Variants in CDK14 observed in about 807,000 individuals in gnomAD.
The protein encoded by CDK14 is cyclin-dependent kinase 14.
CDK14 carries 34 observed loss-of-function variants against 60.7 expected under a neutral mutation model. The ratio of observed to expected loss-of-function variants is 0.56; its 90% CI spans 0.43 to 0.75. The LOEUF (loss-of-function observed/expected upper bound fraction) is 0.75, where lower values mean the gene tolerates loss of function less well. CDK14 is among the 30% of genes least tolerant of loss of function. The pLI, the probability that CDK14 is intolerant of heterozygous loss-of-function variation, is 0.00. For missense variants in CDK14, 482 were observed against 564.1 expected (o/e 0.85, Z 1.47); for synonymous variants, 197 against 203.7 (o/e 0.97, Z 0.28).
At chr7:91,185,004 G>A (rs717679) in intron 14 of CDK14, among the ~76,000 whole-genome samples, 45,465 of 150,572 alleles carry the variant, frequency 0.3, 7,154 homozygotes, top group East Asian at 0.39. Flanking sequence ...GCATAAAGGC[G>A]TGCATACATT....
At chr7:90,937,710 A>G (rs544445253) in intron 8 of CDK14, among the ~76,000 whole-genome samples, 69 of 152,308 alleles carry the variant, frequency 4.5e-4, no homozygotes, top group African/African-American at 1.3e-3. Flanking sequence ...TGTTGTTTCA[A>G]TGAAAAATCA....
intron 2 of CDK14, among the ~76,000 whole-genome samples, chr7:90,681,720 G>A (rs900385683): frequency 1.3e-5 from 2 of 152,160 alleles, no homozygotes; most frequent in African/African-American, 4.8e-5. Flanking sequence ...ATGTAGGAGA[G>A]ACAACTCTAT....
chr7:91,001,964 G>A (rs1371285173), intron 10 of CDK14, among the ~76,000 whole-genome samples: 1 of 152,200 alleles, frequency 6.6e-6, no homozygotes, highest in African/African-American at 2.4e-5. Flanking sequence ...AAATATGGAA[G>A]TATGTCAAGT....
At chr7:90,901,194 G>A (rs1792494088) in intron 7 of CDK14, among the ~76,000 whole-genome samples, 1 of 151,940 alleles carries the variant, frequency 6.6e-6, no homozygotes, top group Non-Finnish European at 1.5e-5. Context: ...TCCTCATTCC[G>A]AGTCCAGGTT....
chr7:91,023,795 C>A (rs529266907), intron 10 of CDK14, among the ~76,000 whole-genome samples: 1 of 152,166 alleles, frequency 6.6e-6, no homozygotes, highest in Admixed American at 6.5e-5. Flanking sequence ...GAGATGGAGT[C>A]TCACCTGTCA....
chr7:91,039,065 T>C (rs1353622670), intron 10 of CDK14, among the ~76,000 whole-genome samples: 1 of 151,544 alleles, frequency 6.6e-6, no homozygotes. Context: ...TCTGTATCTT[T>C]ACACACACTC....
intron 7 of CDK14, among the ~76,000 whole-genome samples, chr7:90,901,873 T>G (rs1562820639): frequency 6.6e-6 from 1 of 151,590 alleles, no homozygotes; most frequent in Non-Finnish European, 1.5e-5. Context: ...ATCTAAAGAC[T>G]CCACCAAAAA....
intron 12 of CDK14, among the ~76,000 whole-genome samples, chr7:91,089,620 C>T (rs1036778927): frequency 2.0e-5 from 3 of 150,360 alleles, no homozygotes; most frequent in Non-Finnish European, 3.0e-5. Flanking sequence ...ATATGAGATA[C>T]GCAGCTATAT....
At position 90,811,586 on chromosome 7, in the gene CDK14, G is replaced by A. The variant is rs1487732815; in HGVS notation, c.544+20934G>A. On this transcript the variant is annotated intron_variant, in intron 5 of 14. Transcript: ENST00000380050. ...GGACTTCATGTCTAAAACACCAAAA[G>A]CAATGGCAACAAAAGCCAAAATTGA... Among the ~76,000 whole-genome samples, 7 of 151,788 alleles carry A rather than the reference G, an allele frequency of 4.6e-5. No individual in the cohort carries two copies. The East Asian group carries it at 9.7e-4, about 21-fold the overall frequency.
At chr7:90,800,952 C>G (rs1788610817) in intron 5 of CDK14, among the ~76,000 whole-genome samples, 1 of 152,176 alleles carries the variant, frequency 6.6e-6, no homozygotes, top group African/African-American at 2.4e-5. Flanking sequence ...ATGGTCTTCT[C>G]TCTCTCTGTG....
intron 2 of CDK14, among the ~76,000 whole-genome samples, chr7:90,713,712 C>G (rs1399563767): frequency 1.4e-5 from 2 of 146,964 alleles, no homozygotes; most frequent in Non-Finnish European, 3.0e-5. Context: ...TTTTTGTTTA[C>G]TTCTCTCATG....
At chr7:90,895,418 CT>C (rs1792286156) in intron 6 of CDK14, among the ~76,000 whole-genome samples, 1 of 22,024 alleles carries the variant, frequency 4.5e-5, no homozygotes, top group African/African-American at 1.9e-4. Flanking sequence ...CTCCTCTCCT[CT>C]CCTCTCCTCT....
chr7:91,056,241 G>T (rs1048420886), intron 11 of CDK14, among the ~76,000 whole-genome samples: 1 of 152,126 alleles, frequency 6.6e-6, no homozygotes, highest in Non-Finnish European at 1.5e-5. Flanking sequence ...CAGCTGTCCA[G>T]TTTGACCGGG....
At chr7:90,763,600 T>C (rs1804415916) in intron 4 of CDK14, among the ~76,000 whole-genome samples, 2 of 151,714 alleles carry the variant, frequency 1.3e-5, no homozygotes, top group Non-Finnish European at 2.9e-5. Flanking sequence ...TTCATTAGAT[T>C]TTAGATCTCT....
intron 10 of CDK14, among the ~76,000 whole-genome samples, chr7:91,029,624 T>TCCTCTCCCTTCTCC (rs1796699308): frequency 1.5e-5 from 2 of 132,672 alleles, no homozygotes; most frequent in South Asian, 5.3e-4. Context: ...CTCCCCACTC[T>TCCTCTCCCTTCTCC]CCTCTCCCCT....
At chr7:90,647,421 A>G (rs769755342) in intron 2 of CDK14, among the ~76,000 whole-genome samples, 4 of 151,966 alleles carry the variant, frequency 2.6e-5, no homozygotes, top group Admixed American at 1.3e-4. Flanking sequence ...AGTGAATCTT[A>G]TTTCTAATTA....
At chr7:91,190,464 A>G (rs1196857269) in intron 14 of CDK14, among the ~76,000 whole-genome samples, 1 of 152,114 alleles carries the variant, frequency 6.6e-6, no homozygotes, top group African/African-American at 2.4e-5. Flanking sequence ...ATGAAAAGTC[A>G]TTCTTTGTTA....
intron 11 of CDK14, among the ~76,000 whole-genome samples, chr7:91,056,978 T>G (rs975953972): frequency 1.3e-5 from 2 of 152,008 alleles, no homozygotes; most frequent in African/African-American, 4.8e-5. Context: ...CCTGAGGAAT[T>G]GCCACACTGA....
intron 2 of CDK14, among the ~76,000 whole-genome samples, chr7:90,691,607 A>G (rs923733525): frequency 6.6e-6 from 1 of 152,130 alleles, no homozygotes; most frequent in Non-Finnish European, 1.5e-5. Flanking sequence ...AAACCATTGG[A>G]AGTTTTCAGG....
Sources: gnomAD v4.1 joint callset for allele counts (sites outside exome capture counted in the v4.1 genomes callset) on GRCh38, gnomAD v4.1.1 for gene constraint, MANE v1.5 for transcripts, NCBI Gene and HGNC (gene_info 2026-07-23, HGNC 2026-07-21) for gene names.